RAPGEF6: variants seen among roughly 807,000 people sequenced by gnomAD.
RAPGEF6 encodes the protein PDZ domain containing guanine nucleotide exchange factor (GEF) 2.
In RAPGEF6, 56 loss-of-function variants were observed where a neutral mutation model predicts 171.4. The ratio of observed to expected loss-of-function variants is 0.33; its 90% CI spans 0.26 to 0.41. The LOEUF is 0.41. Among genes scored for constraint, RAPGEF6 ranks in the 10% least tolerant of loss-of-function variants. The probability of loss-of-function intolerance (pLI) is 1.00; values close to 1 mark genes in which losing one functional copy is unlikely to be tolerated. For synonymous variants in RAPGEF6, 692 were observed against 650.1 expected (o/e 1.06, Z -0.98); for missense variants, 1,674 against 1,921.4 (o/e 0.87, Z 2.41).
intron 21 of RAPGEF6, chr5:131,446,970 T>G: frequency 5.3e-6 from 2 of 374,858 alleles, no homozygotes; most frequent in Non-Finnish European, 9.8e-6. Flanking sequence ...TTTGTGCCTA[T>G]GCAACCTATG....
Position 131,429,230 on chromosome 5 carries a change from T to C in RAPGEF6, c.4466-14A>G. The C allele has an allele frequency of 6.7e-7, 1 of 1,496,406 alleles. No individual in the cohort carries two copies. Among genetic ancestry groups the C allele is most frequent in the Non-Finnish European group, 9.0e-7 (1 of 1,111,776 alleles). 92.7% of individuals were successfully genotyped at this position (1,496,406 alleles called of 1,614,324 possible). ...TGACACAGTACACTGGCATGAAAAA[T>C]AAGCAATGAAAATGTTAATGAAAAA... is the stretch of plus-strand genomic sequence containing the variant. On this transcript the variant is annotated splice_polypyrimidine_tract_variant and intron_variant, in intron 26 of 27. Transcript: ENST00000509018.
chr5:131,425,685 C>A lies in RAPGEF6; in HGVS notation c.*1581G>T, dbSNP rs1417843968. 1 of 152,234 alleles carries A rather than the reference C, an allele frequency of 6.6e-6. No homozygotes were observed. Among genetic ancestry groups the A allele is most frequent in the Non-Finnish European group, 1.5e-5 (1 of 68,026 alleles). The allele number at this position is 152,234 out of a possible 1,614,324, so 9.4% of individuals were successfully genotyped here. On this transcript the variant is annotated 3_prime_UTR_variant, in exon 28 of 28. Coordinates refer to ENST00000509018, the MANE Select transcript of RAPGEF6 (RefSeq NM_016340.6). ...AAAGATGAACTACTACCATTTACCA[C>A]TTACAACTGATTCATGATTTTAAAA... is the stretch of plus-strand genomic sequence containing the variant.
At chr5:131,454,451 G>A (rs943883325) in intron 20 of RAPGEF6, among the ~76,000 whole-genome samples, 4 of 152,056 alleles carry the variant, frequency 2.6e-5, no homozygotes, top group Non-Finnish European at 5.9e-5. Context: ...AACAGATTAA[G>A]ACCCAAAGGG....
chr5:131,501,352 AT>A (rs1218619415), intron 11 of RAPGEF6, among the ~76,000 whole-genome samples: 2 of 151,634 alleles, frequency 1.3e-5, no homozygotes, highest in East Asian at 2.0e-4. Flanking sequence ...AAAAAAAAAA[AT>A]CAAATGATCA....
At chr5:131,489,415 G>T (rs1253509329) in intron 15 of RAPGEF6, 131 bp downstream of exon 15, 25 of 623,200 alleles carry the variant, frequency 4.0e-5, no homozygotes, top group Non-Finnish European at 6.2e-5. Context: ...CAAAACTAAA[G>T]ATTCTGAAAC....
chr5:131,559,436 G>C (rs1357543929), intron 5 of RAPGEF6, among the ~76,000 whole-genome samples: 1 of 152,122 alleles, frequency 6.6e-6, no homozygotes, highest in African/African-American at 2.4e-5. Context: ...TATTTTGAAG[G>C]CATGTAAAGC....
At chr5:131,462,626 A>G (rs1456952281) in intron 18 of RAPGEF6, among the ~76,000 whole-genome samples, 1 of 152,236 alleles carries the variant, frequency 6.6e-6, no homozygotes, top group Non-Finnish European at 1.5e-5. Context: ...TGTTAAATAC[A>G]AAACCTCATT....
At chr5:131,511,881 G>C (rs576325218) in intron 7 of RAPGEF6, among the ~76,000 whole-genome samples, 1 of 152,258 alleles carries the variant, frequency 6.6e-6, no homozygotes, top group South Asian at 2.1e-4. Flanking sequence ...CTGTTCCCTA[G>C]CTATGTAAAC....
rs867384198 is a variant in RAPGEF6, at chr5:131,425,393, A to G, written c.*1873T>C. 1.8e-4 allele frequency: 27 copies of G among 152,450 alleles called. No homozygotes were observed. The Middle Eastern group carries it at 0.01, about 58-fold the overall frequency. The allele number at this position is 152,450 out of a possible 1,614,324, so 9.4% of individuals were successfully genotyped here. A position where few individuals can be genotyped will look rare whatever the true frequency, so the allele number is the denominator to read the frequency against. On this transcript the variant is annotated 3_prime_UTR_variant, in exon 28 of 28. Transcript: ENST00000509018. The stretch of plus-strand genomic sequence containing the variant: ...GTTTTGCTGTGGCCATGAAAACAAA[A>G]TTATGCAAATCAGTGAAGGAAAAAA...
chr5:131,466,302 C>A (rs1467299436), intron 17 of RAPGEF6, among the ~76,000 whole-genome samples: 1 of 152,114 alleles, frequency 6.6e-6, no homozygotes, highest in Non-Finnish European at 1.5e-5. Context: ...ATTAAGAAAT[C>A]TGAGTCATCA....
rs535822337 is a variant in RAPGEF6 at position 131,471,069 on chromosome 5, G to A, written c.2239+1518C>T. The stretch of plus-strand genomic sequence containing the variant: ...TCTTAGTGCTTCCTTTACCCTTTCC[G>A]GTAAATAGTTTAATTAACTTTATAC... On this transcript the variant is annotated intron_variant, in intron 17 of 27. Transcript: ENST00000509018. 5.9e-5 allele frequency among the ~76,000 whole-genome samples: 9 copies of A among 152,162 alleles called. No individual in the cohort carries two copies. The South Asian group carries it at 8.3e-4, about 14-fold the overall frequency.
intron 16 of RAPGEF6, among the ~76,000 whole-genome samples, chr5:131,476,574 C>A (rs2149852718): frequency 6.6e-6 from 1 of 152,316 alleles, no homozygotes. Flanking sequence ...GATTCTCCTG[C>A]CTCAGCCTCC....
intron 6 of RAPGEF6, among the ~76,000 whole-genome samples, chr5:131,533,877 T>C (rs999387247): frequency 6.6e-5 from 10 of 152,170 alleles, no homozygotes; most frequent in South Asian, 4.1e-4. Context: ...CATTTTTCTA[T>C]AGAAATTACA....
At chr5:131,452,949 A>C (rs12656936) in intron 21 of RAPGEF6, 105 bp downstream of exon 21, 289,781 of 1,397,166 alleles carry the variant, frequency 0.21, 32,789 homozygotes, top group East Asian at 0.48. Context: ...AGCACTTTGT[A>C]CAGCACACAT....
rs770522345 is a variant in RAPGEF6, at chr5:131,464,194, A to G, written c.2327T>C (p.Val776Ala). Residue 776 changes from valine to alanine, a missense_variant, in exon 18 of 28, where the codon GTA (valine) becomes GCA (alanine). This residue lies in a region of RAPGEF6 where 1,116 missense variants were observed against 1,321.5 expected (regional missense o/e 0.84). Transcript: ENST00000509018. Reference sequence around the variant, plus strand: ...AAATTCATGAACAGCATGAAAAACTACTTCTTTAGCTGTGGTGTCTTTACT... The same window carrying G: ...AAATTCATGAACAGCATGAAAAACTGCTTCTTTAGCTGTGGTGTCTTTACT... ...IISKDTTAKE[V>A]VFHAVHEFGL... The G allele has an allele frequency of 9.8e-5, 158 of 1,613,728 alleles. No homozygotes were observed. The highest frequency in any genetic ancestry group is 1.3e-4 in the Non-Finnish European group (155 of 1,179,782).
intron 21 of RAPGEF6, chr5:131,447,408 T>A (rs1752789102): frequency 6.6e-6 from 1 of 152,206 alleles, no homozygotes; most frequent in South Asian, 2.1e-4. Flanking sequence ...GTAATGCCTG[T>A]GAATGTGACA....
intron 24 of RAPGEF6, chr5:131,436,279 C>T (rs1161581779): frequency 3.3e-6 from 5 of 1,537,494 alleles, no homozygotes; most frequent in Non-Finnish European, 4.4e-6. Flanking sequence ...TTTGGCTGTG[C>T]TCCTGGTAAT....
At chr5:131,550,923 C>G (rs1178977560) in intron 5 of RAPGEF6, among the ~76,000 whole-genome samples, 1 of 152,192 alleles carries the variant, frequency 6.6e-6, no homozygotes, top group East Asian at 1.9e-4. Flanking sequence ...TTCTATAGCA[C>G]TAAGTATACC....
At chr5:131,632,571 C>A (rs187481774) in intron 1 of RAPGEF6, among the ~76,000 whole-genome samples, 3 of 152,278 alleles carry the variant, frequency 2.0e-5, no homozygotes, top group Admixed American at 2.0e-4. Flanking sequence ...ACTCTTCATG[C>A]TATCAGAATG....
Sources: allele counts gnomAD v4.1 joint callset (sites outside exome capture counted in the v4.1 genomes callset), GRCh38; gene constraint gnomAD v4.1.1; regional missense constraint gnomAD v4.1.1; transcripts MANE v1.5; gene names NCBI Gene and HGNC (gene_info 2026-07-23, HGNC 2026-07-21).